SLC12A5: variants seen among roughly 807,000 people sequenced by gnomAD.
SLC12A5 encodes the protein solute carrier family 12 member 5, also known as K-Cl cotransporter 2.
A neutral mutation model predicts 124.0 loss-of-function variants in SLC12A5; 18 were observed. That is an observed-to-expected ratio of 0.15 (90% CI 0.10 to 0.22). The LOEUF (loss-of-function observed/expected upper bound fraction) is 0.22. Ranked by LOEUF, SLC12A5 falls within the 10% of genes least tolerant of loss-of-function variation. The pLI is 1.00. For synonymous variants in SLC12A5, 589 were observed against 568.0 expected (o/e 1.04, Z -0.53); for missense variants, 867 against 1,478.7 (o/e 0.59, Z 6.78).
At position 46,056,406 on chromosome 20, in the gene SLC12A5, C is replaced by A; in HGVS notation, c.2952C>A (p.Ser984Arg). 2 of 1,613,218 alleles carry A rather than the reference C, an allele frequency of 1.2e-6. No individual in the cohort carries two copies. The highest frequency in any genetic ancestry group is 2.2e-5 in the South Asian group (2 of 90,956). ...ATCAGAGTGCTCCCAGCTGCCCCAG[C>A]AGCTCCCCGTCCCCAGGGGAGGAGC... Reference protein sequence around the residue: ...IHDQSAPSCPSSSPSPGEEPE... With the variant: ...IHDQSAPSCPRSSPSPGEEPE... Residue 984 changes from serine to arginine, a missense_variant, in exon 23 of 26, where the codon AGC becomes AGA. Ser to Arg is a moderately radical substitution (Grantham distance 110). Coordinates refer to ENST00000243964, the MANE Select transcript of SLC12A5 (RefSeq NM_020708.5). This position sits in a 1 kb window ranked among gnomAD's most constrained non-coding sequence, Gnocchi z 4.3.
In SLC12A5 at chr20:46,037,284, T is replaced by A; in HGVS notation, c.511T>A (p.Ser171Thr). ...TGGCTCCTACTACATGATTTCCAGGTCTCTGGGCCCAGAGTTTGGGGGTGC... is the reference window on the plus strand; with the variant it reads ...TGGCTCCTACTACATGATTTCCAGGACTCTGGGCCCAGAGTTTGGGGGTGC... ...AGGSYYMISR[S>T]LGPEFGGAVG... The change falls in exon 6 of 26, where the codon TCT becomes ACT. Residue 171 changes from serine (S) to threonine (T), a missense_variant. Transcript: ENST00000243964. The A allele has an allele frequency of 1.2e-6, 2 of 1,609,996 alleles. No homozygotes were observed. Among genetic ancestry groups the A allele is most frequent in the Non-Finnish European group, 1.7e-6 (2 of 1,177,958 alleles).
chr20:46,044,298 T>C (rs563073332), intron 11 of SLC12A5, among the ~76,000 whole-genome samples: 18 of 151,932 alleles, frequency 1.2e-4, no homozygotes, highest in African/African-American at 3.9e-4. Context: ...TAACACATGG[T>C]TTTTGTACTG....
In SLC12A5 at chr20:46,059,511, A is replaced by C; in HGVS notation, c.*1906A>C. 1 of 399,018 alleles carries C rather than the reference A, an allele frequency of 2.5e-6. No individual in the cohort carries two copies. Among genetic ancestry groups the C allele is most frequent in the East Asian group, 3.6e-5 (1 of 28,078 alleles). The allele number at this position is 399,018 out of a possible 1,614,324, so 24.7% of individuals were successfully genotyped here. ...CCAGGTCCTGCCTTCTGGGGGCCTG[A>C]ATATTCCAGAGCTGATGTGATGGGC... is the stretch of plus-strand genomic sequence containing the variant. On this transcript the variant is annotated 3_prime_UTR_variant, in exon 26 of 26. Coordinates refer to ENST00000243964, the MANE Select transcript of SLC12A5 (RefSeq NM_020708.5).
rs3848724 is a variant in SLC12A5 at position 46,035,852 on chromosome 20, C to T, written c.355C>T (p.Arg119Trp). 1 of 1,614,136 alleles carries T rather than the reference C, an allele frequency of 6.2e-7. No individual in the cohort carries two copies. The highest frequency in any genetic ancestry group is 8.5e-7 in the Non-Finnish European group (1 of 1,179,990). The change falls in exon 4 of 26, where the codon CGG becomes TGG. Residue 119 changes from arginine (R) to tryptophan (W), a missense_variant. This residue lies in a region of SLC12A5 where 126 missense variants were observed against 291.6 expected (regional missense o/e 0.43). Transcript: ENST00000243964. ...QNIFGVILFL[R>W]LTWVVGIAGI... Reference sequence around the variant, plus strand: ...CATCTTTGGCGTCATCCTCTTCCTGCGGCTCACCTGGGTGGTGGGCATTGC... The same window carrying T: ...CATCTTTGGCGTCATCCTCTTCCTGTGGCTCACCTGGGTGGTGGGCATTGC...
intron 2 of SLC12A5, 123 bp from the exon 3 acceptor site, chr20:46,035,281 C>G: frequency 7.7e-7 from 1 of 1,291,714 alleles, no homozygotes; most frequent in Non-Finnish European, 1.1e-6. Flanking sequence ...CTCCTCCTTT[C>G]CCATCTCATC....
chr20:46,057,238 G>A lies in SLC12A5; in HGVS notation c.3194G>A (p.Arg1065Gln). 6.2e-7 allele frequency: 1 copy of A among 1,614,170 alleles called. No individual in the cohort carries two copies. The highest frequency in any genetic ancestry group is 8.5e-7 in the Non-Finnish European group (1 of 1,180,034). The part of the protein sequence containing the change: ...RLNEVIVKKS[R>Q]DAKLVLLNMP... ...AACGAGGTCATCGTGAAGAAATCCCGGGACGCCAAGCTTGTTTTGCTCAAC... is the reference window on the plus strand; with the variant it reads ...AACGAGGTCATCGTGAAGAAATCCCAGGACGCCAAGCTTGTTTTGCTCAAC... Residue 1065 changes from arginine (R) to glutamine (Q), a missense_variant, in exon 25 of 26, where the codon CGG (arginine) becomes CAG (glutamine). Arg to Gln is a conservative substitution (Grantham distance 43). This residue lies in a region of SLC12A5 where 180 missense variants were observed against 243.6 expected (regional missense o/e 0.74). Coordinates refer to ENST00000243964, the MANE Select transcript of SLC12A5 (RefSeq NM_020708.5). The surrounding 1 kb of genome is among the most constrained non-coding windows in gnomAD (Gnocchi z 7.1).
Position 46,057,892 on chromosome 20 carries a change from T to C in SLC12A5, c.*287T>C, listed in dbSNP as rs756261401. 1.4e-4 allele frequency: 52 copies of C among 360,502 alleles called. No homozygotes were observed. In the Middle Eastern group the frequency reaches 2.9e-3, roughly 20 times the overall value. 22.3% of individuals were successfully genotyped at this position (360,502 alleles called of 1,614,324 possible). Reference sequence around the variant, plus strand: ...CCGGAGGAGACGCTGCAATAAAGGTTGGGAGAAGGCGCGGAAAGGAGAGGA... The same window carrying C: ...CCGGAGGAGACGCTGCAATAAAGGTCGGGAGAAGGCGCGGAAAGGAGAGGA... On this transcript the variant is annotated 3_prime_UTR_variant, in exon 26 of 26. Transcript: ENST00000243964. The surrounding 1 kb of genome is among the most constrained non-coding windows in gnomAD (Gnocchi z 7.1).
At chr20:46,055,342 C>A (rs1410938130) in intron 21 of SLC12A5, among the ~76,000 whole-genome samples, 1 of 152,120 alleles carries the variant, frequency 6.6e-6, no homozygotes, top group African/African-American at 2.4e-5. Context: ...GGGGTGTGGG[C>A]TGCCAGTGTG....
At position 46,051,704 on chromosome 20, in the gene SLC12A5, G is replaced by A. The variant is rs1181584422; in HGVS notation, c.2211G>A (p.Lys737=). Residue 737 remains lysine (K), a synonymous_variant, in exon 18 of 26, where the codon AAG becomes AAA. Coordinates refer to ENST00000243964, the MANE Select transcript of SLC12A5 (RefSeq NM_020708.5). ...ESIRRLMEAE[K]VKGFCQVVIS... ...TCAGGCGCCTGATGGAGGCAGAGAA[G>A]GTGAAGGGCTTCTGCCAGGTGGTGA... The A allele has an allele frequency of 3.7e-6, 6 of 1,609,464 alleles. No homozygotes were observed. The highest frequency in any genetic ancestry group is 5.1e-6 in the Non-Finnish European group (6 of 1,177,850).
Position 46,057,497 on chromosome 20 carries a change from CCTT to C in SLC12A5, c.3260-16_3260-14del. On this transcript the variant is annotated splice_polypyrimidine_tract_variant and intron_variant, in intron 25 of 25. Coordinates refer to ENST00000243964, the MANE Select transcript of SLC12A5 (RefSeq NM_020708.5). The surrounding 1 kb of genome is among the most constrained non-coding windows in gnomAD (Gnocchi z 7.1). ...GGAGGGAAGGAGACCGGGTCTTTCT[CCTT>C]GACCGGCTCTCAGACATGGAGTTTC... The C allele has an allele frequency of 6.2e-7, 1 of 1,613,824 alleles. No individual in the cohort carries two copies. The highest frequency in any genetic ancestry group is 1.3e-5 in the African/African-American group (1 of 75,052).
upstream of SLC12A5, among the ~76,000 whole-genome samples, chr20:46,026,245 G>C (rs1384333161): frequency 2.6e-5 from 4 of 152,198 alleles, no homozygotes; most frequent in Non-Finnish European, 4.4e-5. Context: ...TGGTGGGAGG[G>C]GGTATGAGTT....
downstream of SLC12A5, chr20:46,023,605 T>G: frequency 2.5e-6 from 1 of 396,700 alleles, no homozygotes; most frequent in Non-Finnish European, 4.4e-6. Flanking sequence ...TTTCCTCATT[T>G]GCTTCTGGTG....
At chr20:46,050,149 C>T (rs996549433) in intron 17 of SLC12A5, among the ~76,000 whole-genome samples, 2 of 152,240 alleles carry the variant, frequency 1.3e-5, no homozygotes, top group African/African-American at 4.8e-5. Context: ...GATTTCCCAG[C>T]TGTGGACTCT....
At chr20:46,043,079 C>T in intron 8 of SLC12A5, 74 bp from the exon 9 acceptor site, 1 of 1,497,408 alleles carries the variant, frequency 6.7e-7, no homozygotes, top group Non-Finnish European at 9.1e-7. Flanking sequence ...CTTTTTGCCC[C>T]CTCCCACCTC....
Position 46,057,146 on chromosome 20 carries a change from C to T in SLC12A5, c.3126-24C>T. The T allele has an allele frequency of 6.2e-7, 1 of 1,613,204 alleles. No homozygotes were observed. Among genetic ancestry groups the T allele is most frequent in the Non-Finnish European group, 8.5e-7 (1 of 1,179,378 alleles). On this transcript the variant is annotated intron_variant, in intron 24 of 25. Transcript: ENST00000243964. The surrounding 1 kb of genome is among the most constrained non-coding windows in gnomAD (Gnocchi z 7.1). ...TCTCTACCCCCCCGGCTCACGCGGTCTCCACTCCTCCTTCCTGCCGCAGGA... is the reference window on the plus strand; with the variant it reads ...TCTCTACCCCCCCGGCTCACGCGGTTTCCACTCCTCCTTCCTGCCGCAGGA...
intron 11 of SLC12A5, 82 bp from the exon 12 acceptor site, chr20:46,044,884 G>T (rs907497291): frequency 1.3e-6 from 2 of 1,502,536 alleles, no homozygotes; most frequent in African/African-American, 1.4e-5. Context: ...GCACACAGTT[G>T]GTTCTGTAGT....
Position 46,056,121 on chromosome 20 carries a change from A to T in SLC12A5, c.2788-29A>T. ...GGGCATGGGTGGTGACTCCCAGCAGAGCTGGCACCAACCTATGTCACTCCC... is the reference window on the plus strand; with the variant it reads ...GGGCATGGGTGGTGACTCCCAGCAGTGCTGGCACCAACCTATGTCACTCCC... On this transcript the variant is annotated intron_variant, in intron 21 of 25. Transcript: ENST00000243964. This position sits in a 1 kb window ranked among gnomAD's most constrained non-coding sequence, Gnocchi z 4.3. 6.2e-7 allele frequency: 1 copy of T among 1,613,078 alleles called. No individual in the cohort carries two copies.
intron 7 of SLC12A5, chr20:46,041,117 T>A (rs928251684): frequency 1.9e-6 from 1 of 515,994 alleles, no homozygotes; most frequent in African/African-American, 2.0e-5. Context: ...ACTAATGCGG[T>A]GCTTCTCCAC....
At chr20:46,039,846 C>CT in intron 6 of SLC12A5, among the ~76,000 whole-genome samples, 1 of 151,910 alleles carries the variant, frequency 6.6e-6, no homozygotes. Context: ...ACTACATCAT[C>CT]TTTTTTAATA....
Sources: gnomAD v4.1 joint callset for allele counts (sites outside exome capture counted in the v4.1 genomes callset) on GRCh38, gnomAD v4.1.1 for gene constraint, gnomAD v4.1.1 regional missense constraint, Gnocchi (gnomAD v3.1) non-coding constraint, MANE v1.5 for transcripts, NCBI Gene and HGNC (gene_info 2026-07-23, HGNC 2026-07-21) for gene names.